DPP8: variants seen among roughly 807,000 people sequenced by gnomAD.
The protein encoded by DPP8 is dipeptidyl peptidase 8.
DPP8 carries 31 observed loss-of-function variants against 107.5 expected under a neutral mutation model. The ratio of observed to expected loss-of-function variants is 0.29; its 90% confidence interval spans 0.22 to 0.39. The LOEUF (loss-of-function observed/expected upper bound fraction) is 0.39, where lower values mean the gene tolerates loss of function less well. Among genes scored for constraint, DPP8 ranks in the 10% least tolerant of loss-of-function variants. The probability of loss-of-function intolerance (pLI) is 1.00; values close to 1 mark genes in which losing one functional copy is unlikely to be tolerated. For synonymous variants in DPP8, 381 were observed against 356.6 expected (o/e 1.07, Z -0.77); for missense variants, 842 against 1,076.1 (o/e 0.78, Z 3.04).
intron 6 of DPP8, among the ~76,000 whole-genome samples, chr15:65,488,384 T>C (rs1413116801): frequency 6.6e-6 from 1 of 151,866 alleles, no homozygotes; most frequent in Non-Finnish European, 1.5e-5. Context: ...ATAATCAGTA[T>C]TTTTTAAAAT....
At chr15:65,502,948 TAGAA>T (rs1014175646) in intron 3 of DPP8, 18 of 152,156 alleles carry the variant, frequency 1.2e-4, no homozygotes, top group African/African-American at 4.1e-4. Context: ...TCTAAATAAA[TAGAA>T]AGACATCACG....
intron 12 of DPP8, among the ~76,000 whole-genome samples, chr15:65,467,841 A>G (rs1648770042): frequency 6.6e-6 from 1 of 152,206 alleles, no homozygotes; most frequent in Non-Finnish European, 1.5e-5. Flanking sequence ...ATACTCTGCT[A>G]TATTGCAGCT....
chr15:65,506,157 G>A (rs1288145357), intron 3 of DPP8, among the ~76,000 whole-genome samples: 1 of 151,212 alleles, frequency 6.6e-6, no homozygotes, highest in East Asian at 2.0e-4. Flanking sequence ...CGGTGAAACT[G>A]TGGCTCTACT....
At chr15:65,511,931 G>A (rs2070837653) in intron 2 of DPP8, 1 of 355,424 alleles carries the variant, frequency 2.8e-6, no homozygotes, top group African/African-American at 2.1e-5. Context: ...ACCAAAAACA[G>A]CCTTGGATTA....
chr15:65,512,467 C>G lies in DPP8; in HGVS notation c.87G>C (p.Arg29=). The G allele has an allele frequency of 6.2e-7, 1 of 1,614,128 alleles. No individual in the cohort carries two copies. Among genetic ancestry groups the G allele is most frequent in the African/African-American group, 1.3e-5 (1 of 75,018 alleles). The change falls in exon 2 of 20, where the codon CGG becomes CGC. Residue 29 remains arginine, a synonymous_variant. Transcript: ENST00000300141. Reference sequence around the variant, plus strand: ...CAACATAAAAAGGCTCCAATTTAGGCCGATCCTGTGATTCAATATTCTCCT... The same window carrying G: ...CAACATAAAAAGGCTCCAATTTAGGGCGATCCTGTGATTCAATATTCTCCT... The part of the protein sequence containing the change: ...DCEENIESQD[R]PKLEPFYVER...
chr15:65,476,680 T>C (rs1229981272), intron 11 of DPP8, among the ~76,000 whole-genome samples: 3 of 151,980 alleles, frequency 2.0e-5, no homozygotes, highest in Admixed American at 2.0e-4. Flanking sequence ...ATCCAGAAAT[T>C]CCACTTTTGA....
intron 11 of DPP8, among the ~76,000 whole-genome samples, chr15:65,478,610 G>T (rs2066619392): frequency 6.6e-6 from 1 of 152,074 alleles, no homozygotes; most frequent in Admixed American, 6.6e-5. Flanking sequence ...AAAAATTGCA[G>T]TCAAGGCAAA....
intron 6 of DPP8, among the ~76,000 whole-genome samples, chr15:65,489,580 ATTTTT>A (rs67109112): frequency 1.6e-5 from 2 of 125,542 alleles, no homozygotes; most frequent in Non-Finnish European, 1.7e-5. Context: ...TGCCCAGCTA[ATTTTT>A]TTTTTTTTTT....
chr15:65,448,947 G>A (rs1374685844), intron 19 of DPP8, among the ~76,000 whole-genome samples: 12 of 116,486 alleles, frequency 1.0e-4, no homozygotes, highest in Admixed American at 6.2e-4. Context: ...AGTGGCTCAC[G>A]CCTGTAATCC....
chr15:65,514,650 A>G (rs1425941911), intron 1 of DPP8, among the ~76,000 whole-genome samples: 2 of 152,122 alleles, frequency 1.3e-5, no homozygotes, highest in African/African-American at 4.8e-5. Context: ...AGTTGGGATT[A>G]CAGGCACCCG....
At chr15:65,448,671 CAAAAAAAA>C (rs56658742) in intron 19 of DPP8, among the ~76,000 whole-genome samples, 1 of 57,420 alleles carries the variant, frequency 1.7e-5, no homozygotes, top group African/African-American at 7.2e-5. Context: ...AACTCCATCT[CAAAAAAAA>C]AAAAAAAAAA....
At chr15:65,460,989 C>A (rs910928897) in intron 15 of DPP8, among the ~76,000 whole-genome samples, 1 of 152,166 alleles carries the variant, frequency 6.6e-6, no homozygotes, top group Non-Finnish European at 1.5e-5. Context: ...TCTTGTACAG[C>A]ACTTAATATT....
chr15:65,446,928 G>C lies in DPP8; in HGVS notation c.2605C>G (p.Gln869Glu). The change falls in exon 20 of 20, where the codon CAA (glutamine) becomes GAA (glutamate). Residue 869 changes from glutamine (Q) to glutamate (E), a missense_variant. Coordinates refer to ENST00000300141, the MANE Select transcript of DPP8 (RefSeq NM_130434.5). The stretch of plus-strand genomic sequence containing the variant: ...GCAATACGTGATCCAAGGTTTTCTT[G>C]AAGGTAGTGCAAAAGATGCAGTTCA... ...HYELHLLHYL[Q>E]ENLGSRIAAL... 6.2e-7 allele frequency: 1 copy of C among 1,612,800 alleles called. No homozygotes were observed. Among genetic ancestry groups the C allele is most frequent in the Non-Finnish European group, 8.5e-7 (1 of 1,179,362 alleles).
At chr15:65,515,188 G>A (rs953448896) in intron 1 of DPP8, among the ~76,000 whole-genome samples, 29 of 152,160 alleles carry the variant, frequency 1.9e-4, no homozygotes, top group Admixed American at 6.5e-5. Flanking sequence ...TCACTATGTT[G>A]TACAGGCTGG....
In DPP8 at chr15:65,442,490, G is replaced by A. The variant is rs187870019; in HGVS notation, c.*4394C>T. The A allele has an allele frequency of 6.6e-6, 1 of 152,252 alleles. No homozygotes were observed. Among genetic ancestry groups the A allele is most frequent in the African/African-American group, 2.4e-5 (1 of 41,538 alleles). The allele number at this position is 152,252 out of a possible 1,614,324, so 9.4% of individuals were successfully genotyped here. ...AATTAATTTCAGCAGCATCTTTATT[G>A]CAACAAAGAACCTGTAATAAAATGC... On this transcript the variant is annotated 3_prime_UTR_variant, in exon 20 of 20. Coordinates refer to ENST00000300141, the MANE Select transcript of DPP8 (RefSeq NM_130434.5).
At chr15:65,472,525 CT>C (rs1393255352) in intron 12 of DPP8, among the ~76,000 whole-genome samples, 1 of 152,056 alleles carries the variant, frequency 6.6e-6, no homozygotes, top group Non-Finnish European at 1.5e-5. Context: ...TTACTGAACT[CT>C]TGGCCTCAAG....
chr15:65,494,148 C>CGTTTTTT (rs2068327891), intron 5 of DPP8, among the ~76,000 whole-genome samples: 1 of 18,552 alleles, frequency 5.4e-5, no homozygotes, highest in Non-Finnish European at 1.1e-4. Flanking sequence ...GGTTCTATAT[C>CGTTTTTT]CTTTTTTTTT....
At chr15:65,477,935 A>C (rs1231198443) in intron 11 of DPP8, among the ~76,000 whole-genome samples, 1 of 152,196 alleles carries the variant, frequency 6.6e-6, no homozygotes, top group Non-Finnish European at 1.5e-5. Flanking sequence ...ATTCTAAAAC[A>C]AACTATATTA....
In DPP8 at chr15:65,507,330, A is replaced by G; in HGVS notation, c.285T>C (p.Asn95=). ...YLAMSGENRE[N]TLFYSEIPKT... ...TGGGAATTTCAGAATAAAACAGTGT[A>G]TTTTCTCTGTTCTCACCAGACATGG... is the stretch of plus-strand genomic sequence containing the variant. Residue 95 remains asparagine (N), a synonymous_variant, in exon 3 of 20, where the codon AAT becomes AAC. Transcript: ENST00000300141. The G allele has an allele frequency of 6.2e-7, 1 of 1,610,196 alleles. No individual in the cohort carries two copies. The highest frequency in any genetic ancestry group is 8.5e-7 in the Non-Finnish European group (1 of 1,176,932).
Sources: gnomAD v4.1 joint callset for allele counts (sites outside exome capture counted in the v4.1 genomes callset) on GRCh38, gnomAD v4.1.1 for gene constraint, MANE v1.5 for transcripts, NCBI Gene and HGNC (gene_info 2026-07-23, HGNC 2026-07-21) for gene names.